PLCB1: variants seen among roughly 807,000 people sequenced by gnomAD.
PLCB1 encodes the protein phospholipase C beta 1, also known as 1-phosphatidylinositol 4,5-bisphosphate phosphodiesterase beta-1.
PLCB1 carries 46 observed loss-of-function variants against 161.8 expected under a neutral mutation model. The ratio of observed to expected loss-of-function variants is 0.28; its 90% CI spans 0.22 to 0.36. The LOEUF (loss-of-function observed/expected upper bound fraction) is 0.36, where lower values mean the gene tolerates loss of function less well. Among genes scored for constraint, PLCB1 ranks in the 10% least tolerant of loss-of-function variants. The pLI, the probability that PLCB1 is intolerant of heterozygous loss-of-function variation, is 1.00. For missense variants in PLCB1, 1,016 were observed against 1,472.5 expected (o/e 0.69, Z 5.07); for synonymous variants, 517 against 503.7 (o/e 1.03, Z -0.35).
rs1600328181 is a variant in PLCB1, at chr20:8,340,714, G to T, written c.178-30668G>T. The stretch of plus-strand genomic sequence containing the variant: ...GCTGGGATTACAGGCGTGAGCCACC[G>T]CGCCCGGCCAAATTCTAGTTTTAAC... On this transcript the variant is annotated intron_variant, in intron 2 of 31. Transcript: ENST00000338037. Among the ~76,000 whole-genome samples, 7 of 152,062 alleles carry T rather than the reference G, an allele frequency of 4.6e-5. No individual in the cohort carries two copies. In the South Asian group the frequency reaches 1.4e-3, roughly 31 times the overall value.
intron 3 of PLCB1, among the ~76,000 whole-genome samples, chr20:8,502,117 A>G (rs1019003962): frequency 1.2e-4 from 18 of 151,966 alleles, no homozygotes; most frequent in Admixed American, 9.2e-4. Flanking sequence ...ATTTTAATGT[A>G]TATAATGACT....
intron 2 of PLCB1, among the ~76,000 whole-genome samples, chr20:8,251,717 A>G (rs1033235528): frequency 6.6e-6 from 1 of 151,918 alleles, no homozygotes; most frequent in African/African-American, 2.4e-5. Context: ...AGAAAAGGGA[A>G]TTTTCCTACA....
At chr20:8,548,289 CTTTG>C (rs202011921) in intron 3 of PLCB1, among the ~76,000 whole-genome samples, 10 of 105,698 alleles carry the variant, frequency 9.5e-5, no homozygotes, top group East Asian at 2.7e-4. Context: ...TTCTTTCTTT[CTTTG>C]TTTTTCTTTC....
intron 3 of PLCB1, among the ~76,000 whole-genome samples, chr20:8,523,486 CTCTCTCTCTCTATATA>C (rs1313868504): frequency 3.3e-5 from 2 of 61,184 alleles, no homozygotes; most frequent in South Asian, 4.5e-4. Flanking sequence ...CTCTCTCTCT[CTCTCTCTCTCTATATA>C]TATATATATA....
chr20:8,424,665 A>T (rs1979673821), intron 3 of PLCB1, among the ~76,000 whole-genome samples: 1 of 152,188 alleles, frequency 6.6e-6, no homozygotes, highest in Non-Finnish European at 1.5e-5. Flanking sequence ...TAGCATTCGT[A>T]TTTAGCAAGC....
intron 9 of PLCB1, among the ~76,000 whole-genome samples, chr20:8,681,597 C>G (rs1990223047): frequency 6.6e-6 from 1 of 152,168 alleles, no homozygotes; most frequent in African/African-American, 2.4e-5. Flanking sequence ...GAAGCATACA[C>G]TTGCCAGTTT....
intron 12 of PLCB1, among the ~76,000 whole-genome samples, chr20:8,712,586 T>G (rs1350064262): frequency 1.3e-5 from 2 of 152,238 alleles, no homozygotes; most frequent in Admixed American, 1.3e-4. Context: ...CTAACACTTT[T>G]ATAAAAAGAA....
chr20:8,756,780 C>T (rs999613673), intron 23 of PLCB1, among the ~76,000 whole-genome samples: 3 of 152,174 alleles, frequency 2.0e-5, no homozygotes, highest in Non-Finnish European at 4.4e-5. Context: ...ATCACATGGT[C>T]TGGTCCAGAG....
intron 3 of PLCB1, among the ~76,000 whole-genome samples, chr20:8,387,671 A>G (rs975708641): frequency 1.3e-5 from 2 of 152,230 alleles, no homozygotes; most frequent in African/African-American, 4.8e-5. Context: ...GTAAAAACAA[A>G]CAACAAAAAA....
intron 2 of PLCB1, among the ~76,000 whole-genome samples, chr20:8,301,786 T>C (rs1196894446): frequency 3.9e-5 from 6 of 152,250 alleles, no homozygotes; most frequent in Non-Finnish European, 7.3e-5. Flanking sequence ...CGGGAAATAA[T>C]TGGAGTTGTG....
intron 2 of PLCB1, among the ~76,000 whole-genome samples, chr20:8,210,409 T>C (rs1219909532): frequency 6.6e-6 from 1 of 152,150 alleles, no homozygotes; most frequent in Non-Finnish European, 1.5e-5. Context: ...TTTATTAATC[T>C]GTTGATGGAA....
At chr20:8,257,227 A>T (rs1227037018) in intron 2 of PLCB1, among the ~76,000 whole-genome samples, 1 of 152,162 alleles carries the variant, frequency 6.6e-6, no homozygotes, top group Non-Finnish European at 1.5e-5. Context: ...AGGTAAGATG[A>T]ATGTAATCTC....
intron 3 of PLCB1, among the ~76,000 whole-genome samples, chr20:8,485,678 A>T (rs1461247908): frequency 2.0e-5 from 3 of 152,234 alleles, no homozygotes; most frequent in Admixed American, 6.5e-5. Context: ...ACAGCAAATT[A>T]GTGGCAGAGC....
chr20:8,582,229 C>A (rs367684499), intron 3 of PLCB1, among the ~76,000 whole-genome samples: 54 of 152,252 alleles, frequency 3.5e-4, no homozygotes, highest in Non-Finnish European at 7.1e-4. Context: ...TGCACTTATC[C>A]CCCAGGTGCT....
At chr20:8,805,678 G>T (rs1016046781) in intron 31 of PLCB1, among the ~76,000 whole-genome samples, 1 of 152,134 alleles carries the variant, frequency 6.6e-6, no homozygotes, top group African/African-American at 2.4e-5. Context: ...GAGAAACTAA[G>T]GTTCAAAAAG....
chr20:8,282,047 A>G (rs995536677), intron 2 of PLCB1, among the ~76,000 whole-genome samples: 2 of 152,206 alleles, frequency 1.3e-5, no homozygotes, highest in African/African-American at 4.8e-5. Context: ...ACACACAAAC[A>G]TGTTAAAATG....
rs551310873 is a variant in PLCB1 at position 8,550,409 on chromosome 20, C to T, written c.247-77885C>T. ...GGTGGCTTCCCCCGTGTTGTTCTCA[C>T]GGTAGTGAGTGAGTTCTCATGAGAT... On this transcript the variant is annotated intron_variant, in intron 3 of 31. Transcript: ENST00000338037. 6.2e-4 allele frequency among the ~76,000 whole-genome samples: 94 copies of T among 152,096 alleles called. 1 individual carries two copies. The highest frequency in any genetic ancestry group is 1.7e-3 in the African/African-American group (69 of 41,470).
chr20:8,293,940 G>A (rs1204975165), intron 2 of PLCB1, among the ~76,000 whole-genome samples: 1 of 152,138 alleles, frequency 6.6e-6, no homozygotes, highest in Non-Finnish European at 1.5e-5. Context: ...GTTCGTGTTG[G>A]TCATGAGGCA....
chr20:8,161,021 C>T (rs1301775249), intron 2 of PLCB1, among the ~76,000 whole-genome samples: 3 of 152,158 alleles, frequency 2.0e-5, no homozygotes, highest in Non-Finnish European at 4.4e-5. Context: ...ATTTACTTTG[C>T]ACATACCTTT....
Sources: gnomAD v4.1 joint callset for allele counts (sites outside exome capture counted in the v4.1 genomes callset) on GRCh38, gnomAD v4.1.1 for gene constraint, MANE v1.5 for transcripts, NCBI Gene and HGNC (gene_info 2026-07-23, HGNC 2026-07-21) for gene names.